GLI2: variants seen among roughly 807,000 people sequenced by gnomAD.
GLI2 encodes the protein GLI family zinc finger 2.
In GLI2, 22 loss-of-function variants were observed where a neutral mutation model predicts 78.9. That is an observed-to-expected ratio of 0.28 (90% CI 0.20 to 0.40). GLI2 has a LOEUF of 0.40. GLI2 is among the 10% of genes least tolerant of loss of function. The probability of loss-of-function intolerance (pLI) is 1.00; values close to 1 mark genes in which losing one functional copy is unlikely to be tolerated. For synonymous variants in GLI2, 974 were observed against 963.7 expected (o/e 1.01, Z -0.20); for missense variants, 2,097 against 2,213.2 (o/e 0.95, Z 1.05).
intron 2 of GLI2, among the ~76,000 whole-genome samples, chr2:120,877,035 G>A (rs1160881419): frequency 1.3e-5 from 2 of 152,244 alleles, no homozygotes; most frequent in Non-Finnish European, 2.9e-5. Context: ...GGCCTGAGAA[G>A]GCCTGGGAGG....
chr2:120,972,110 T>C lies in GLI2; in HGVS notation c.1182+47T>C, dbSNP rs2592590. On this transcript the variant is annotated intron_variant, in intron 8 of 13. Transcript: ENST00000361492. Reference sequence around the variant, plus strand: ...CACCTTCCTCCAGCTAGGACCAGGCTTGTGGGCTGCCTTGGGGCTGTACCC... The same window carrying C: ...CACCTTCCTCCAGCTAGGACCAGGCCTGTGGGCTGCCTTGGGGCTGTACCC... The C allele has an allele frequency of 0.97, 1,559,270 of 1,609,734 alleles. 759,587 individuals are homozygous for C. The highest frequency in any genetic ancestry group is 1 in the East Asian group (44,822 of 44,828).
chr2:120,968,997 C>T (rs1392769905), intron 6 of GLI2, 82 bp downstream of exon 6: 10 of 1,001,304 alleles, frequency 1.0e-5, no homozygotes, highest in Admixed American at 7.7e-5. Context: ...TTTCAGTGGG[C>T]GCTTTTGACC....
At chr2:120,939,720 C>T (rs962152788) in intron 3 of GLI2, among the ~76,000 whole-genome samples, 6 of 152,158 alleles carry the variant, frequency 3.9e-5, no homozygotes, top group South Asian at 2.1e-4. Context: ...AACATGACTG[C>T]AGAAACACTT....
intron 1 of GLI2, among the ~76,000 whole-genome samples, chr2:120,771,723 G>A (rs75060598): frequency 1.4e-3 from 208 of 152,308 alleles, no homozygotes; most frequent in Admixed American, 2.6e-3. Flanking sequence ...TCTGTGACTA[G>A]CAGCATTCAG....
At chr2:120,987,969 G>T (rs1020829872) in intron 13 of GLI2, among the ~76,000 whole-genome samples, 1 of 152,178 alleles carries the variant, frequency 6.6e-6, no homozygotes, top group Non-Finnish European at 1.5e-5. Context: ...GGTGGCCCAC[G>T]TATGCCCTAG....
At chr2:120,820,273 T>C (rs1685698502) in intron 2 of GLI2, among the ~76,000 whole-genome samples, 1 of 152,198 alleles carries the variant, frequency 6.6e-6, no homozygotes, top group Non-Finnish European at 1.5e-5. Flanking sequence ...CATCCCAGGC[T>C]TTGCTTTCTT....
intron 2 of GLI2, among the ~76,000 whole-genome samples, chr2:120,915,027 G>A (rs1181294119): frequency 6.6e-6 from 1 of 152,228 alleles, no homozygotes; most frequent in African/African-American, 2.4e-5. Flanking sequence ...CACGGGGCTG[G>A]CCTCTCCCGT....
chr2:120,806,376 C>T (rs1354617799), intron 2 of GLI2, among the ~76,000 whole-genome samples: 1 of 152,188 alleles, frequency 6.6e-6, no homozygotes, highest in African/African-American at 2.4e-5. Context: ...GTTGCCTCTG[C>T]CTTCTAGGAG....
intron 2 of GLI2, among the ~76,000 whole-genome samples, chr2:120,852,848 T>C (rs1687477062): frequency 6.6e-6 from 1 of 152,150 alleles, no homozygotes; most frequent in Non-Finnish European, 1.5e-5. Flanking sequence ...CTGTGCCCAG[T>C]GTGTGGCCAC....
At chr2:120,879,884 A>C (rs1677030373) in intron 2 of GLI2, among the ~76,000 whole-genome samples, 1 of 152,224 alleles carries the variant, frequency 6.6e-6, no homozygotes, top group Non-Finnish European at 1.5e-5. Context: ...CATTTTCTCC[A>C]GCCTCTAGCT....
chr2:120,851,099 A>G (rs1687385281), intron 2 of GLI2, among the ~76,000 whole-genome samples: 1 of 152,206 alleles, frequency 6.6e-6, no homozygotes, highest in South Asian at 2.1e-4. Flanking sequence ...GCTAAGATCA[A>G]GTGTAAAAAT....
chr2:120,873,615 C>G (rs1332879878), intron 2 of GLI2, among the ~76,000 whole-genome samples: 1 of 152,150 alleles, frequency 6.6e-6, no homozygotes, highest in East Asian at 1.9e-4. Context: ...TTTGCAGACC[C>G]CTTGAGGCAG....
intron 10 of GLI2, among the ~76,000 whole-genome samples, chr2:120,979,628 T>C (rs1169793620): frequency 6.6e-6 from 1 of 152,192 alleles, no homozygotes; most frequent in Non-Finnish European, 1.5e-5. Context: ...TTTCGGAAAA[T>C]GTGCAATTTA....
At position 120,804,017 on chromosome 2, in the gene GLI2, C is replaced by T. The variant is rs142476565; in HGVS notation, c.148+6549C>T. Among the ~76,000 whole-genome samples the T allele has an allele frequency of 4.8e-3, 738 of 152,260 alleles. 7 individuals carry two copies. Among genetic ancestry groups the T allele is most frequent in the African/African-American group, 0.017 (707 of 41,550 alleles). ...AGTGTTCCAGGAGGCGTGTGTGCTA[C>T]CTACTCATACTGACAGCCCTCCTAT... On this transcript the variant is annotated intron_variant, in intron 2 of 13. Coordinates refer to ENST00000361492, the MANE Select transcript of GLI2 (RefSeq NM_001374353.1).
chr2:120,920,920 A>G lies in GLI2; in HGVS notation c.149-6441A>G, dbSNP rs368493922. 2.3e-3 allele frequency among the ~76,000 whole-genome samples: 352 copies of G among 151,530 alleles called. 2 individuals carry two copies. The highest frequency in any genetic ancestry group is 7.9e-3 in the African/African-American group (326 of 41,380). ...TACTTGAAAAAAAAAAAAAAACACA[A>G]AAGCCAACAATGAAAGCTGTGTGTG... On this transcript the variant is annotated intron_variant, in intron 2 of 13. Coordinates refer to ENST00000361492, the MANE Select transcript of GLI2 (RefSeq NM_001374353.1).
chr2:120,889,226 C>T (rs550044988), intron 2 of GLI2, among the ~76,000 whole-genome samples: 2 of 152,176 alleles, frequency 1.3e-5, no homozygotes, highest in South Asian at 2.1e-4. Flanking sequence ...CTGAGATGCT[C>T]GAGGAAACTC....
chr2:120,853,015 G>A (rs547547632), intron 2 of GLI2, among the ~76,000 whole-genome samples: 136 of 152,316 alleles, frequency 8.9e-4, no homozygotes, highest in African/African-American at 3.2e-3. Flanking sequence ...TGGGCAAATC[G>A]AAAATCCCAA....
At chr2:120,909,632 G>A (rs528964297) in intron 2 of GLI2, among the ~76,000 whole-genome samples, 4 of 152,262 alleles carry the variant, frequency 2.6e-5, no homozygotes, top group African/African-American at 7.2e-5. Context: ...TTGGGAGGCC[G>A]AGGCAGGCAG....
intron 11 of GLI2, among the ~76,000 whole-genome samples, chr2:120,983,946 GGTGTGTGTGTGTGT>G (rs5833859): frequency 2.1e-5 from 3 of 143,124 alleles, no homozygotes; most frequent in Non-Finnish European, 4.6e-5. Context: ...TGGTGTGTGG[GGTGTGTGTGTGTGT>G]GTGTGTGTGT....
Sources: allele counts gnomAD v4.1 joint callset (sites outside exome capture counted in the v4.1 genomes callset), GRCh38; gene constraint gnomAD v4.1.1; transcripts MANE v1.5; gene names NCBI Gene and HGNC (gene_info 2026-07-23, HGNC 2026-07-21).